Variants in FNBP1L observed in about 807,000 individuals in gnomAD.
FNBP1L encodes formin binding protein 1 like.
In FNBP1L, 36 loss-of-function variants were observed where a neutral mutation model predicts 91.2. The observed-to-expected ratio is 0.39, with a 90% CI of 0.30 to 0.52. The LOEUF is 0.52. Among genes scored for constraint, FNBP1L ranks in the 20% least tolerant of loss-of-function variants. The pLI is 0.66. For synonymous variants in FNBP1L, 242 were observed against 237.0 expected, an observed-to-expected ratio of 1.02 and a Z score of -0.19; for missense variants, 571 against 732.1, an observed-to-expected ratio of 0.78 and a Z score of 2.54.
At chr1:93,516,003 C>G (rs1570832531) in intron 2 of FNBP1L, among the ~76,000 whole-genome samples, 1 of 152,140 alleles carries the variant, frequency 6.6e-6, no homozygotes, top group East Asian at 1.9e-4. Flanking sequence ...GATTTATTCT[C>G]AATTATATAA....
intron 4 of FNBP1L, 92 bp downstream of exon 4, chr1:93,523,583 A>C (rs1557809057): frequency 2.5e-6 from 3 of 1,215,212 alleles, no homozygotes; most frequent in Non-Finnish European, 3.3e-6. Flanking sequence ...TTCAGCATAA[A>C]CTGGTTTTTC....
intron 1 of FNBP1L, among the ~76,000 whole-genome samples, chr1:93,493,307 A>G (rs1366140265): frequency 6.6e-6 from 1 of 152,180 alleles, no homozygotes; most frequent in Non-Finnish European, 1.5e-5. Flanking sequence ...TATGATGGTG[A>G]ATGCATAGGT....
chr1:93,545,961 C>T (rs1005760587), intron 12 of FNBP1L, among the ~76,000 whole-genome samples: 1 of 151,632 alleles, frequency 6.6e-6, no homozygotes, highest in African/African-American at 2.4e-5. Flanking sequence ...GTGAAAAATC[C>T]ATATTAGAAG....
rs1258328374 is a variant in FNBP1L, at chr1:93,523,551, TTTG to T, written c.342+63_342+65del. The T allele has an allele frequency of 2.8e-6, 4 of 1,446,400 alleles. No individual in the cohort carries two copies. In the South Asian group the frequency reaches 4.2e-5, roughly 15 times the overall value. 89.6% of individuals were successfully genotyped at this position (1,446,400 alleles called of 1,614,324 possible). On this transcript the variant is annotated intron_variant, in intron 4 of 16. Coordinates refer to ENST00000271234, the MANE Select transcript of FNBP1L (RefSeq NM_001164473.3). ...ATATGAAATAGTCACACAGAAACAC[TTTG>T]TTTTCTTTAAAATGTGTGTTCAGCA... is the stretch of plus-strand genomic sequence containing the variant.
chr1:93,529,622 C>G, intron 5 of FNBP1L, 30 bp from the exon 6 acceptor site: 1 of 1,271,120 alleles, frequency 7.9e-7, no homozygotes, highest in Non-Finnish European at 1.1e-6. Flanking sequence ...ATTTTATTTT[C>G]TCAGTGTGAT....
intron 1 of FNBP1L, among the ~76,000 whole-genome samples, chr1:93,490,831 G>C (rs1670067859): frequency 6.6e-6 from 1 of 152,192 alleles, no homozygotes; most frequent in Admixed American, 6.5e-5. Context: ...AGTATTTGCT[G>C]ATGTGGAGCC....
intron 9 of FNBP1L, 42 bp from the exon 10 acceptor site, chr1:93,536,290 G>A: frequency 1.5e-6 from 2 of 1,337,674 alleles, no homozygotes; most frequent in South Asian, 2.1e-5. Context: ...AGAAAACTAT[G>A]CACATTTGGC....
At chr1:93,530,666 T>C (rs951480630) in intron 6 of FNBP1L, 89 bp from the exon 7 acceptor site, 15 of 1,426,890 alleles carry the variant, frequency 1.1e-5, no homozygotes, top group Admixed American at 4.9e-5. Flanking sequence ...GGCTTCTTCA[T>C]TGATAAAATC....
chr1:93,455,582 A>G (rs1268893299), intron 1 of FNBP1L, among the ~76,000 whole-genome samples: 1 of 152,218 alleles, frequency 6.6e-6, no homozygotes, highest in Non-Finnish European at 1.5e-5. Context: ...ATCAGTTTAA[A>G]TATCAGTGCT....
chr1:93,458,515 A>G (rs1187604131), intron 1 of FNBP1L, among the ~76,000 whole-genome samples: 1 of 152,194 alleles, frequency 6.6e-6, no homozygotes, highest in Non-Finnish European at 1.5e-5. Flanking sequence ...AGGACCTGAA[A>G]CTGTAAAAAT....
chr1:93,532,826 A>G, intron 7 of FNBP1L, 96 bp from the exon 8 acceptor site: 1 of 897,394 alleles, frequency 1.1e-6, no homozygotes, highest in Non-Finnish European at 1.6e-6. Flanking sequence ...ATGAGGGTAG[A>G]AATATTTAAT....
At chr1:93,472,656 C>CA (rs1669331822) in intron 1 of FNBP1L, among the ~76,000 whole-genome samples, 1 of 151,332 alleles carries the variant, frequency 6.6e-6, no homozygotes, top group Non-Finnish European at 1.5e-5. Context: ...ACTAAAAATA[C>CA]AAAAAATTAG....
chr1:93,487,001 A>G (rs912979605), intron 1 of FNBP1L, among the ~76,000 whole-genome samples: 1 of 152,150 alleles, frequency 6.6e-6, no homozygotes, highest in African/African-American at 2.4e-5. Context: ...AGTGATGTCC[A>G]TGCTTACTGT....
At chr1:93,541,114 G>A (rs1015140238) in intron 11 of FNBP1L, 58 bp downstream of exon 11, 83 of 1,485,858 alleles carry the variant, frequency 5.6e-5, no homozygotes, top group Non-Finnish European at 7.3e-5. Flanking sequence ...TCAAAACATT[G>A]TTTTGTTTAA....
At chr1:93,471,128 A>G (rs1034808515) in intron 1 of FNBP1L, among the ~76,000 whole-genome samples, 9 of 152,152 alleles carry the variant, frequency 5.9e-5, no homozygotes, top group African/African-American at 1.9e-4. Flanking sequence ...AATGCTTAGG[A>G]CCAGAAGATT....
At chr1:93,476,452 C>T (rs550719704) in intron 1 of FNBP1L, among the ~76,000 whole-genome samples, 166 of 152,122 alleles carry the variant, frequency 1.1e-3, no homozygotes, top group African/African-American at 3.8e-3. Context: ...TCATTTAATT[C>T]AACAAATAAT....
intron 2 of FNBP1L, among the ~76,000 whole-genome samples, chr1:93,513,996 G>A (rs924262275): frequency 1.3e-5 from 2 of 151,994 alleles, no homozygotes; most frequent in Admixed American, 6.6e-5. Flanking sequence ...GTTTGCAGAC[G>A]ACATGATTGT....
At chr1:93,486,985 C>A (rs1392398620) in intron 1 of FNBP1L, among the ~76,000 whole-genome samples, 1 of 152,120 alleles carries the variant, frequency 6.6e-6, no homozygotes, top group South Asian at 2.1e-4. Flanking sequence ...AGCAAAATTC[C>A]TTAAAAGTGA....
intron 1 of FNBP1L, among the ~76,000 whole-genome samples, chr1:93,473,637 G>A (rs548017876): frequency 6.6e-6 from 1 of 152,314 alleles, no homozygotes; most frequent in East Asian, 1.9e-4. Context: ...ACACTGGATA[G>A]GATGTCTTAA....
Sources: allele counts gnomAD v4.1 joint callset (sites outside exome capture counted in the v4.1 genomes callset), GRCh38; gene constraint gnomAD v4.1.1; transcripts MANE v1.5; gene names NCBI Gene and HGNC (gene_info 2026-07-23, HGNC 2026-07-21).